The following SULT1A2 variants were observed in gnomAD, a reference collection of about 807,000 sequenced individuals.
The protein encoded by SULT1A2 is sulfotransferase 1A2.
SULT1A2 carries 33 observed loss-of-function variants against 36.0 expected under a neutral mutation model. The ratio of observed to expected loss-of-function variants is 0.92; its 90% CI spans 0.69 to 1.22. SULT1A2 has a LOEUF of 1.22. SULT1A2 is among the 50% of genes most tolerant of loss of function. The pLI is 0.00. For synonymous variants in SULT1A2, 138 were observed against 144.5 expected (o/e 0.96, Z 0.32); for missense variants, 367 against 383.2 (o/e 0.96, Z 0.35).
chr16:28,594,247 C>T (rs2047033389), intron 4 of SULT1A2, among the ~76,000 whole-genome samples: 1 of 151,982 alleles, frequency 6.6e-6, no homozygotes, highest in African/African-American at 2.4e-5. Flanking sequence ...CTCAAGCAAT[C>T]CTCCAACCTT....
At chr16:28,593,915 T>C (rs1353244872) in intron 4 of SULT1A2, among the ~76,000 whole-genome samples, 2 of 152,020 alleles carry the variant, frequency 1.3e-5, no homozygotes, top group Non-Finnish European at 2.9e-5. Flanking sequence ...AAGAGTCTCA[T>C]GTTTTTGGTC....
Position 28,595,653 on chromosome 16 carries a change from A to T in SULT1A2, c.171T>A (p.Ile57=), listed in dbSNP as rs763133875. The T allele has an allele frequency of 6.2e-7, 1 of 1,614,118 alleles. No individual in the cohort carries two copies. Among genetic ancestry groups the T allele is most frequent in the Non-Finnish European group, 8.5e-7 (1 of 1,179,998 alleles). Residue 57 remains isoleucine, a synonymous_variant, in exon 3 of 8, where the codon ATT becomes ATA. Coordinates refer to ENST00000335715, the MANE Select transcript of SULT1A2 (RefSeq NM_001054.4). ...PKSGTTWVSQ[I]LDMIYQGGDL... is the part of the protein sequence containing the mutation. ...CACCGCCCTGGTAGATCATGTCCAGAATCTGGCTCACCCAGGTGGTGCCTG... is the reference window on the plus strand; with the variant it reads ...CACCGCCCTGGTAGATCATGTCCAGTATCTGGCTCACCCAGGTGGTGCCTG...
Position 28,592,152 on chromosome 16 carries a change from A to C in SULT1A2, c.776-12T>G. 1 of 1,612,392 alleles carries C rather than the reference A, an allele frequency of 6.2e-7. No individual in the cohort carries two copies. Among genetic ancestry groups the C allele is most frequent in the Non-Finnish European group, 8.5e-7 (1 of 1,179,820 alleles). On this transcript the variant is annotated splice_polypyrimidine_tract_variant and intron_variant, in intron 7 of 7. Transcript: ENST00000335715. The stretch of plus-strand genomic sequence containing the variant: ...GTCCCCAGCCATGCCTGGGGGAGGA[A>C]GGCAGGGAGCAAAGCTGGAGTCTCA...
chr16:28,595,364 C>T lies in SULT1A2; in HGVS notation c.372+3G>A, dbSNP rs748085395. 3 of 1,613,886 alleles carry T rather than the reference C, an allele frequency of 1.9e-6. No homozygotes were observed. Among genetic ancestry groups the T allele is most frequent in the East Asian group, 4.5e-5 (2 of 44,892 alleles). On this transcript the variant is annotated splice_donor_region_variant and intron_variant, in intron 4 of 7. Coordinates refer to ENST00000335715, the MANE Select transcript of SULT1A2 (RefSeq NM_001054.4). ...GGGTGTGAACCACTGTGCCCAGTCT[C>T]ACCTTGACCTTCTGATCCAACAGAG... is the stretch of plus-strand genomic sequence containing the variant.
In SULT1A2 at chr16:28,592,272, T is replaced by C. The variant is rs1567294982; in HGVS notation, c.766A>G (p.Met256Val). 1 of 1,613,916 alleles carries C rather than the reference T, an allele frequency of 6.2e-7. No homozygotes were observed. Among genetic ancestry groups the C allele is most frequent in the Non-Finnish European group, 8.5e-7 (1 of 1,179,842 alleles). Residue 256 changes from methionine to valine, a missense_variant, in exon 7 of 8, where the codon ATG becomes GTG. Physicochemically the swap from Met to Val is conservative, Grantham distance 21. Coordinates refer to ENST00000335715, the MANE Select transcript of SULT1A2 (RefSeq NM_001054.4). The part of the protein sequence containing the change: ...EFMDHSISPF[M>V]RKGMAGDWKT... Reference sequence around the variant, plus strand: ...GCTGGCCGGCACCTACCTTTCCTCATGAAGGGGGAGATGCTGTGGTCCATG... The same window carrying C: ...GCTGGCCGGCACCTACCTTTCCTCACGAAGGGGGAGATGCTGTGGTCCATG...
chr16:28,592,950 A>G (rs1375319596), intron 6 of SULT1A2, among the ~76,000 whole-genome samples: 5 of 152,050 alleles, frequency 3.3e-5, no homozygotes, highest in African/African-American at 9.7e-5. Context: ...AGGGGGGGTT[A>G]CACTGAGCTG....
Position 28,593,373 on chromosome 16 carries a change from C to T in SULT1A2, c.500-27G>A, listed in dbSNP as rs35214418. 17 of 1,614,046 alleles carry T rather than the reference C, an allele frequency of 1.1e-5. No individual in the cohort carries two copies. The African/African-American group carries it at 1.7e-4, about 16-fold the overall frequency. On this transcript the variant is annotated intron_variant, in intron 5 of 7. Transcript: ENST00000335715. Reference sequence around the variant, plus strand: ...TGGAGAAGCGGGCAGGGAGTGCCGACACAGGGTTGCTGTGCGTTGTAGCCA... The same window carrying T: ...TGGAGAAGCGGGCAGGGAGTGCCGATACAGGGTTGCTGTGCGTTGTAGCCA...
intron 4 of SULT1A2, among the ~76,000 whole-genome samples, chr16:28,594,789 T>TTC (rs2047039557): frequency 7.1e-6 from 1 of 140,722 alleles, no homozygotes; most frequent in African/African-American, 2.8e-5. Context: ...TTTTTTTTTT[T>TTC]TTTTTTTTGA....
intron 6 of SULT1A2, among the ~76,000 whole-genome samples, chr16:28,592,761 G>A (rs1052708085): frequency 6.6e-6 from 1 of 152,216 alleles, no homozygotes; most frequent in African/African-American, 2.4e-5. Context: ...AGGGGCCGTG[G>A]TTCAGGCGTG....
At chr16:28,592,571 G>A (rs1444414127) in intron 6 of SULT1A2, 128 bp from the exon 7 acceptor site, 4 of 1,517,112 alleles carry the variant, frequency 2.6e-6, no homozygotes, top group Admixed American at 2.1e-5. Flanking sequence ...CCAGCTCCTC[G>A]ACCCCTGGGA....
At chr16:28,596,857 A>T (rs1596615794) in intron 1 of SULT1A2, 140 bp downstream of exon 1, 1 of 484,132 alleles carries the variant, frequency 2.1e-6, no homozygotes. Flanking sequence ...AGGGAGGGGG[A>T]TTCAGGCCGG....
chr16:28,593,591 C>A (rs764982730), intron 4 of SULT1A2, 23 bp from the exon 5 acceptor site: 1 of 1,613,474 alleles, frequency 6.2e-7, no homozygotes, highest in Non-Finnish European at 8.5e-7. Flanking sequence ...AAGACTCAAC[C>A]CCAGCACCAT....
rs182700310 is a variant in SULT1A2 at position 28,592,998 on chromosome 16, A to C, written c.594+254T>G. ...TGCATGCCATCCTGGACAACAGAGC[A>C]AGACTTTGTCTCAAAAAAAAAAGTA... is the stretch of plus-strand genomic sequence containing the variant. On this transcript the variant is annotated intron_variant, in intron 6 of 7. Coordinates refer to ENST00000335715, the MANE Select transcript of SULT1A2 (RefSeq NM_001054.4). Among the ~76,000 whole-genome samples the C allele has an allele frequency of 1.5e-3, 228 of 152,248 alleles. 2 individuals are homozygous for C. Among genetic ancestry groups the C allele is most frequent in the Non-Finnish European group, 2.8e-4 (19 of 68,012 alleles).
At position 28,595,565 on chromosome 16, in the gene SULT1A2, G is replaced by T; in HGVS notation, c.259C>A (p.Pro87Thr). The change falls in exon 3 of 8, where the codon CCA becomes ACA. Residue 87 changes from proline (P) to threonine (T), a missense_variant. Pro to Thr is a conservative substitution (Grantham distance 38). Transcript: ENST00000335715. ...ACACACACACCTGAGGGAATCCCTG[G>T]GACTTTGAACTCAAGGAAGGGCACC... ...MRVPFLEFKV[P>T]GIPSGMETLK... The T allele has an allele frequency of 6.2e-7, 1 of 1,614,138 alleles. No homozygotes were observed. The highest frequency in any genetic ancestry group is 8.5e-7 in the Non-Finnish European group (1 of 1,180,026).
chr16:28,594,202 G>A (rs761705757), intron 4 of SULT1A2, among the ~76,000 whole-genome samples: 4 of 151,630 alleles, frequency 2.6e-5, no homozygotes, highest in Admixed American at 1.3e-4. Context: ...GTGCACTGGA[G>A]TGAGAATAGC....
chr16:28,596,846 A>C, intron 1 of SULT1A2, 151 bp downstream of exon 1: 3 of 417,246 alleles, frequency 7.2e-6, no homozygotes, highest in Non-Finnish European at 1.1e-5. Context: ...AAAAAAAAGG[A>C]AGGGAGGGGG....
chr16:28,592,002 C>T lies in SULT1A2; in HGVS notation c.*26G>A. On this transcript the variant is annotated 3_prime_UTR_variant, in exon 8 of 8. Transcript: ENST00000335715. ...TGGTCAGGCTTGATTCGCACACTCC[C>T]TCTGCAGTGACTCCAGGAACCCCTC... 1 of 1,611,940 alleles carries T rather than the reference C, an allele frequency of 6.2e-7. No homozygotes were observed. The highest frequency in any genetic ancestry group is 8.5e-7 in the Non-Finnish European group (1 of 1,179,814).
At chr16:28,594,117 G>GGA (rs1354481136) in intron 4 of SULT1A2, among the ~76,000 whole-genome samples, 7 of 145,156 alleles carry the variant, frequency 4.8e-5, no homozygotes, top group Non-Finnish European at 1.1e-4. Flanking sequence ...TGGGGGGGGG[G>GGA]ACTCTAGGTC....
chr16:28,596,869 C>G (rs146985416), intron 1 of SULT1A2, 128 bp downstream of exon 1: 6 of 604,914 alleles, frequency 9.9e-6, no homozygotes, highest in African/African-American at 8.2e-5. Flanking sequence ...TCAGGCCGGC[C>G]GGGGTTGTCT....
Sources: gnomAD v4.1 joint callset for allele counts (sites outside exome capture counted in the v4.1 genomes callset) on GRCh38, gnomAD v4.1.1 for gene constraint, MANE v1.5 for transcripts, NCBI Gene and HGNC (gene_info 2026-07-23, HGNC 2026-07-21) for gene names.